Variants in MAX observed in about 807,000 individuals in gnomAD.
MAX encodes MYC associated transcriptional regulator X, also known as protein max.
In MAX, 3 loss-of-function variants were observed where a neutral mutation model predicts 22.3. The ratio of observed to expected loss-of-function variants is 0.13; its 90% CI spans 0.06 to 0.35. The LOEUF is 0.35. Ranked by LOEUF, MAX falls within the 10% of genes least tolerant of loss-of-function variation. MAX has a pLI of 1.00. For missense variants in MAX, 119 were observed against 209.4 expected (o/e 0.57, Z 2.66); for synonymous variants, 72 against 77.7 (o/e 0.93, Z 0.39).
At chr14:65,065,290 C>T (rs947700031) in intron 3 of MAX, among the ~76,000 whole-genome samples, 3 of 152,120 alleles carry the variant, frequency 2.0e-5, no homozygotes, top group South Asian at 2.1e-4. Context: ...ACATGGCTCC[C>T]GAGGCCCACG....
chr14:65,019,349 T>C (rs2061843941), intron 3 of MAX, among the ~76,000 whole-genome samples: 1 of 151,716 alleles, frequency 6.6e-6, no homozygotes, highest in Admixed American at 6.6e-5. Context: ...TAGCCAGATG[T>C]GGTGGCTGGC....
chr14:65,054,190 G>A lies in MAX; in HGVS notation c.171+39518C>T, dbSNP rs2062676791. Among the ~76,000 whole-genome samples, 1 of 152,032 alleles carries A rather than the reference G, an allele frequency of 6.6e-6. No homozygotes were observed. The highest frequency in any genetic ancestry group is 2.4e-5 in the African/African-American group (1 of 41,400). On this transcript the variant is annotated intron_variant, in intron 3 of 3. Coordinates refer to the MAX transcript ENST00000341653. This position sits in a 1 kb window ranked among gnomAD's most constrained non-coding sequence, Gnocchi z 4.4. ...TGCAGTGTCACAATCATGACTCACT[G>A]CAGCCTTCACCTCTTGGGCTCGAGT...
intron 3 of MAX, among the ~76,000 whole-genome samples, chr14:65,083,411 A>T (rs1168996780): frequency 6.6e-6 from 1 of 152,226 alleles, no homozygotes; most frequent in African/African-American, 2.4e-5. Flanking sequence ...GTTCTCAAAA[A>T]TTTTCAATGT....
chr14:65,053,228 C>T (rs1005725083), intron 3 of MAX: 2 of 1,368,100 alleles, frequency 1.5e-6, no homozygotes, highest in Non-Finnish European at 1.9e-6. Flanking sequence ...GACCCTTTGC[C>T]CTTCAACAGG....
At chr14:65,063,823 C>T (rs1327168746) in intron 3 of MAX, among the ~76,000 whole-genome samples, 1 of 152,208 alleles carries the variant, frequency 6.6e-6, no homozygotes, top group Admixed American at 6.5e-5. Context: ...CCTCAGCCTC[C>T]CAAAGTGCTG....
chr14:65,045,160 G>A (rs184559609), intron 3 of MAX, among the ~76,000 whole-genome samples: 1 of 152,194 alleles, frequency 6.6e-6, no homozygotes, highest in African/African-American at 2.4e-5. Flanking sequence ...CAGTCTGCCT[G>A]CTAACTCCTG....
Position 65,044,919 on chromosome 14 carries a change from C to T in MAX, c.172-38635G>A, listed in dbSNP as rs1257966957. On this transcript the variant is annotated intron_variant, in intron 3 of 3. Coordinates refer to the MAX transcript ENST00000341653. The surrounding 1 kb of genome is among the most constrained non-coding windows in gnomAD (Gnocchi z 5.5). Reference sequence around the variant, plus strand: ...GGTGGGTTGTAGGGGTGGGTTGCCCCTACACCATGGAGAAGAGACTCGCCG... The same window carrying T: ...GGTGGGTTGTAGGGGTGGGTTGCCCTTACACCATGGAGAAGAGACTCGCCG... The T allele has an allele frequency of 6.5e-6, 1 of 154,304 alleles. No homozygotes were observed. The highest frequency in any genetic ancestry group is 1.4e-5 in the Non-Finnish European group (1 of 69,626). 9.6% of individuals were successfully genotyped at this position (154,304 alleles called of 1,614,324 possible).
intron 2 of MAX, among the ~76,000 whole-genome samples, chr14:65,101,011 A>G (rs1002520746): frequency 6.6e-6 from 1 of 152,218 alleles, no homozygotes; most frequent in African/African-American, 2.4e-5. Flanking sequence ...TTTATGTGAC[A>G]CTTTGATGAT....
At chr14:65,083,231 C>T (rs773995596) in intron 3 of MAX, among the ~76,000 whole-genome samples, 5 of 152,156 alleles carry the variant, frequency 3.3e-5, no homozygotes, top group African/African-American at 9.7e-5. Flanking sequence ...ACAGCATCCA[C>T]CCACCCCACA....
chr14:65,007,319 T>C lies in MAX; in HGVS notation c.172-1035A>G, dbSNP rs1443237648. 6.6e-6 allele frequency among the ~76,000 whole-genome samples: 1 copy of C among 152,252 alleles called. No homozygotes were observed. Among genetic ancestry groups the C allele is most frequent in the East Asian group, 1.9e-4 (1 of 5,208 alleles). Reference sequence around the variant, plus strand: ...AAGTAACCTTCACTGTTAGCTGAAGTGCATGGTTAGCTGTTAGCAGTAAAT... The same window carrying C: ...AAGTAACCTTCACTGTTAGCTGAAGCGCATGGTTAGCTGTTAGCAGTAAAT... On this transcript the variant is annotated intron_variant, in intron 3 of 3. Coordinates refer to the MAX transcript ENST00000341653. This position sits in a 1 kb window ranked among gnomAD's most constrained non-coding sequence, Gnocchi z 4.9.
In MAX at chr14:65,088,439, A is replaced by G. The variant is rs1055562451; in HGVS notation, c.171+5269T>C. On this transcript the variant is annotated intron_variant, in intron 3 of 4. Coordinates refer to ENST00000358664, the MANE Select transcript of MAX (RefSeq NM_002382.5). The surrounding 1 kb of genome is among the most constrained non-coding windows in gnomAD (Gnocchi z 5.2). ...AATTTAAGATGTAGAAACTTTAAAA[A>G]GATAATTGCCCAAGTTGGAGTCTGA... 6.6e-6 allele frequency among the ~76,000 whole-genome samples: 1 copy of G among 152,244 alleles called. No homozygotes were observed.
chr14:65,054,263 C>T lies in MAX; in HGVS notation c.171+39445G>A, dbSNP rs1476792722. ...AAGTAACTGGAATTACAGGCATCGG[C>T]CACCACACCTAGCTAATTTTTAATT... is the stretch of plus-strand genomic sequence containing the variant. On this transcript the variant is annotated intron_variant, in intron 3 of 3. Coordinates refer to the MAX transcript ENST00000341653. This position sits in a 1 kb window ranked among gnomAD's most constrained non-coding sequence, Gnocchi z 4.4. Among the ~76,000 whole-genome samples the T allele has an allele frequency of 6.6e-6, 1 of 152,100 alleles. No homozygotes were observed. The highest frequency in any genetic ancestry group is 6.6e-5 in the Admixed American group (1 of 15,256).
rs1234783750 is a variant in MAX at position 65,031,807 on chromosome 14, G to C, written c.172-25523C>G. ...ATGGTGGCATGCGCCTGTAATCCCA[G>C]CTACTTGGGAGGCTGATACAGGAGA... On this transcript the variant is annotated intron_variant, in intron 3 of 3. Transcript: ENST00000341653. The surrounding 1 kb of genome is among the most constrained non-coding windows in gnomAD (Gnocchi z 4.6). 6.6e-6 allele frequency among the ~76,000 whole-genome samples: 1 copy of C among 152,048 alleles called. No homozygotes were observed. The highest frequency in any genetic ancestry group is 2.4e-5 in the African/African-American group (1 of 41,446).
Position 65,075,597 on chromosome 14 carries a change from A to G in MAX, c.*879T>C. The G allele has an allele frequency of 4.7e-6, 5 of 1,066,398 alleles. No homozygotes were observed. Among genetic ancestry groups the G allele is most frequent in the Non-Finnish European group, 5.7e-6 (5 of 879,710 alleles). 66.1% of individuals were successfully genotyped at this position (1,066,398 alleles called of 1,614,324 possible). On this transcript the variant is annotated 3_prime_UTR_variant, in exon 5 of 5. Transcript: ENST00000358664. The surrounding 1 kb of genome is among the most constrained non-coding windows in gnomAD (Gnocchi z 4.1). ...GTCGCTTTGCAAGACCGACATCATC[A>G]GAAATAGGTACAATTCACTCAGATT...
intron 3 of MAX, among the ~76,000 whole-genome samples, chr14:65,018,418 T>C (rs971665616): frequency 1.3e-5 from 2 of 152,184 alleles, no homozygotes; most frequent in South Asian, 4.1e-4. Context: ...AAAGATTTAA[T>C]TTACATACAT....
At position 65,024,574 on chromosome 14, in the gene MAX, G is replaced by T. The variant is rs79191167; in HGVS notation, c.172-18290C>A. On this transcript the variant is annotated intron_variant, in intron 3 of 3. Transcript: ENST00000341653. ...TTCCCACTTTGCTGGTAATTGGCACGTAAGCTAGAATGAAATGCCTTGCTG... is the reference window on the plus strand; with the variant it reads ...TTCCCACTTTGCTGGTAATTGGCACTTAAGCTAGAATGAAATGCCTTGCTG... Among the ~76,000 whole-genome samples, 4 of 152,182 alleles carry T rather than the reference G, an allele frequency of 2.6e-5. No individual in the cohort carries two copies. The South Asian group carries it at 6.2e-4, about 24-fold the overall frequency.
chr14:65,038,410 A>AAAAT (rs763143449), intron 3 of MAX, among the ~76,000 whole-genome samples: 1 of 150,832 alleles, frequency 6.6e-6, no homozygotes, highest in Admixed American at 6.6e-5. Flanking sequence ...ACTCCATCTC[A>AAAAT]AAATAAATAA....
chr14:65,015,719 G>A (rs1356565565), intron 3 of MAX: 1 of 1,613,598 alleles, frequency 6.2e-7, no homozygotes, highest in Admixed American at 1.7e-5. Flanking sequence ...GCTACAGAGT[G>A]AGTCTGTCTT....
Position 65,076,709 on chromosome 14 carries a change from G to C in MAX, c.296-46C>G, listed in dbSNP as rs1253638939. On this transcript the variant is annotated intron_variant, in intron 4 of 4. Coordinates refer to ENST00000358664, the MANE Select transcript of MAX (RefSeq NM_002382.5). The surrounding 1 kb of genome is among the most constrained non-coding windows in gnomAD (Gnocchi z 6.6). Reference sequence around the variant, plus strand: ...TGTGTTACTGCCTTCTGGAGACTTGGGGAGTAACCGAGTCTCAGACTCAGG... The same window carrying C: ...TGTGTTACTGCCTTCTGGAGACTTGCGGAGTAACCGAGTCTCAGACTCAGG... 1 of 1,612,446 alleles carries C rather than the reference G, an allele frequency of 6.2e-7. No homozygotes were observed. Among genetic ancestry groups the C allele is most frequent in the African/African-American group, 1.3e-5 (1 of 74,990 alleles).
Sources: allele counts gnomAD v4.1 joint callset (sites outside exome capture counted in the v4.1 genomes callset), GRCh38; gene constraint gnomAD v4.1.1; non-coding constraint Gnocchi (gnomAD v3.1); transcripts MANE v1.5; gene names NCBI Gene and HGNC (gene_info 2026-07-23, HGNC 2026-07-21).